Variants in GALNT10 observed in about 807,000 individuals in gnomAD.
GALNT10 encodes GalNAc transferase 10.
GALNT10 carries 41 observed loss-of-function variants against 75.0 expected under a neutral mutation model. The observed-to-expected ratio is 0.55, with a 90% CI of 0.43 to 0.71. The LOEUF is 0.71. Among genes scored for constraint, GALNT10 ranks in the 30% least tolerant of loss-of-function variants. The probability of loss-of-function intolerance (pLI) is 0.00; values close to 1 mark genes in which losing one functional copy is unlikely to be tolerated. For synonymous variants in GALNT10, 302 were observed against 313.0 expected (o/e 0.96, Z 0.37); for missense variants, 727 against 818.5 (o/e 0.89, Z 1.36).
chr5:154,320,735 G>A (rs1439456974), intron 3 of GALNT10, among the ~76,000 whole-genome samples: 1 of 152,208 alleles, frequency 6.6e-6, no homozygotes, highest in African/African-American at 2.4e-5. Flanking sequence ...GCAGAGGAAG[G>A]CTGTGTGGGG....
chr5:154,201,422 G>A (rs1273435590), intron 1 of GALNT10, among the ~76,000 whole-genome samples: 1 of 152,012 alleles, frequency 6.6e-6, no homozygotes. Context: ...ATAATTACTT[G>A]GAAGTGTAAG....
rs552980392 is a variant in GALNT10, at chr5:154,242,830, G to GAGCAC, written c.159+51807_159+51811dup. On this transcript the variant is annotated intron_variant, in intron 1 of 11. Coordinates refer to ENST00000297107, the MANE Select transcript of GALNT10 (RefSeq NM_198321.4). ...CCCTTCCTTTTCATTGGTCTCCTTG[G>GAGCAC]AGCACAATAGCCACCACTCCTTAAA... 1.1e-4 allele frequency among the ~76,000 whole-genome samples: 16 copies of GAGCAC among 152,248 alleles called. No homozygotes were observed. In the East Asian group the frequency reaches 2.9e-3, roughly 28 times the overall value.
At chr5:154,227,535 C>T (rs1753083224) in intron 1 of GALNT10, among the ~76,000 whole-genome samples, 1 of 152,018 alleles carries the variant, frequency 6.6e-6, no homozygotes, top group Non-Finnish European at 1.5e-5. Flanking sequence ...TTTGAGAGTC[C>T]TTTATATTCT....
intron 4 of GALNT10, among the ~76,000 whole-genome samples, chr5:154,363,692 GGA>G (rs955298352): frequency 1.3e-5 from 2 of 152,062 alleles, no homozygotes; most frequent in African/African-American, 4.8e-5. Flanking sequence ...TGTTAAGTGG[GGA>G]GAGAGGTTTG....
chr5:154,341,897 G>A (rs1331011086), intron 4 of GALNT10, among the ~76,000 whole-genome samples: 6 of 152,160 alleles, frequency 3.9e-5, no homozygotes, highest in Admixed American at 3.9e-4. Flanking sequence ...CCTCAGACCA[G>A]TCCCACCCCG....
intron 7 of GALNT10, among the ~76,000 whole-genome samples, chr5:154,403,530 C>T (rs545064618): frequency 2.6e-5 from 4 of 152,320 alleles, no homozygotes; most frequent in Admixed American, 1.3e-4. Context: ...GGAGACCCAG[C>T]GAGAGGCTCA....
intron 1 of GALNT10, among the ~76,000 whole-genome samples, chr5:154,222,742 G>A (rs556695986): frequency 3.3e-5 from 5 of 152,068 alleles, no homozygotes; most frequent in South Asian, 4.2e-4. Flanking sequence ...TTTATTGGCC[G>A]TTTTATGTCT....
intron 4 of GALNT10, among the ~76,000 whole-genome samples, chr5:154,359,482 G>A (rs897576833): frequency 2.0e-5 from 3 of 150,236 alleles, no homozygotes; most frequent in Middle Eastern, 3.4e-3. Flanking sequence ...CCTTCTTCCC[G>A]GCCCTGAGTC....
chr5:154,271,032 C>T (rs1031973797), intron 1 of GALNT10, among the ~76,000 whole-genome samples: 2 of 147,570 alleles, frequency 1.4e-5, no homozygotes, highest in African/African-American at 5.0e-5. Flanking sequence ...AGTGGCCAGT[C>T]TAAATTCATT....
chr5:154,387,552 C>T (rs1755824947), intron 7 of GALNT10: 1 of 152,192 alleles, frequency 6.6e-6, no homozygotes. Flanking sequence ...GCCAGAGTGC[C>T]ACGATCAGAT....
chr5:154,405,710 G>C (rs547945303), intron 8 of GALNT10, among the ~76,000 whole-genome samples: 1 of 152,244 alleles, frequency 6.6e-6, no homozygotes, highest in African/African-American at 2.4e-5. Context: ...GCCGGGCGCA[G>C]TGGTGTGTGC....
intron 8 of GALNT10, among the ~76,000 whole-genome samples, chr5:154,407,766 G>A (rs1484141778): frequency 6.6e-6 from 1 of 152,186 alleles, no homozygotes; most frequent in East Asian, 1.9e-4. Context: ...CTGTGCAGGG[G>A]CCTGGTGGGG....
Position 154,419,213 on chromosome 5 carries a change from G to A in GALNT10, c.*2241G>A, listed in dbSNP as rs1756581133. 3 of 151,864 alleles carry A rather than the reference G, an allele frequency of 2.0e-5. No individual in the cohort carries two copies. 9.4% of individuals were successfully genotyped at this position (151,864 alleles called of 1,614,324 possible). A position where few individuals can be genotyped will look rare whatever the true frequency, so the allele number is the denominator to read the frequency against. On this transcript the variant is annotated 3_prime_UTR_variant, in exon 12 of 12. Coordinates refer to ENST00000297107, the MANE Select transcript of GALNT10 (RefSeq NM_198321.4). ...CTGAGATGTCCCCCAAGGGTGACAGGTCAGATTTATTTCAGTCAGTGCAAG... is the reference window on the plus strand; with the variant it reads ...CTGAGATGTCCCCCAAGGGTGACAGATCAGATTTATTTCAGTCAGTGCAAG...
intron 3 of GALNT10, among the ~76,000 whole-genome samples, chr5:154,305,273 G>A (rs1212581591): frequency 1.3e-5 from 2 of 150,702 alleles, no homozygotes; most frequent in Non-Finnish European, 2.9e-5. Flanking sequence ...TCCAGCCTTA[G>A]TGACAGAGCA....
At chr5:154,251,287 T>C (rs1343604183) in intron 1 of GALNT10, among the ~76,000 whole-genome samples, 1 of 152,134 alleles carries the variant, frequency 6.6e-6, no homozygotes, top group African/African-American at 2.4e-5. Context: ...CCCGAATGTG[T>C]ACCCATATTA....
rs374480349 is a variant in GALNT10 at position 154,277,909 on chromosome 5, A to G, written c.160-16907A>G. 7.9e-5 allele frequency among the ~76,000 whole-genome samples: 12 copies of G among 152,266 alleles called. No homozygotes were observed. In the East Asian group the frequency reaches 1.7e-3, roughly 22 times the overall value. ...CAGTAGCAGTTTTTGAAATGAAAGG[A>G]TCTCCAATCTGTCCTGTATCATAGA... On this transcript the variant is annotated intron_variant, in intron 1 of 11. Coordinates refer to ENST00000297107, the MANE Select transcript of GALNT10 (RefSeq NM_198321.4).
intron 3 of GALNT10, among the ~76,000 whole-genome samples, chr5:154,302,190 G>T (rs1040834434): frequency 1.3e-5 from 2 of 152,254 alleles, no homozygotes; most frequent in Non-Finnish European, 2.9e-5. Context: ...GTTTATGTTT[G>T]CCTTTTGTTC....
chr5:154,360,199 C>T (rs547323076), intron 4 of GALNT10, among the ~76,000 whole-genome samples: 1 of 152,100 alleles, frequency 6.6e-6, no homozygotes, highest in Non-Finnish European at 1.5e-5. Flanking sequence ...CCTGTAATCC[C>T]AGCACTTTGG....
At chr5:154,195,208 A>G (rs551992266) in intron 1 of GALNT10, among the ~76,000 whole-genome samples, 5 of 152,362 alleles carry the variant, frequency 3.3e-5, no homozygotes, top group African/African-American at 1.2e-4. Context: ...CTGAATCAAA[A>G]GCACCTTGAG....
Sources: allele counts gnomAD v4.1 joint callset (sites outside exome capture counted in the v4.1 genomes callset), GRCh38; gene constraint gnomAD v4.1.1; transcripts MANE v1.5; gene names NCBI Gene and HGNC (gene_info 2026-07-23, HGNC 2026-07-21).